The following NDUFAF6 variants were observed in gnomAD, a reference collection of about 807,000 sequenced individuals.
NDUFAF6 encodes NADH dehydrogenase (ubiquinone) complex I, assembly factor 6.
Under a neutral mutation model 40.8 loss-of-function variants are expected in NDUFAF6, and 45 were observed. That is an observed-to-expected ratio of 1.10 (90% CI 0.87 to 1.42). The LOEUF is 1.42. Ranked by LOEUF, NDUFAF6 falls within the 40% of genes most tolerant of loss-of-function variation. The probability of loss-of-function intolerance (pLI) is 0.00; values close to 1 mark genes in which losing one functional copy is unlikely to be tolerated. For synonymous variants in NDUFAF6, 185 were observed against 155.9 expected (o/e 1.19, Z -1.39); for missense variants, 435 against 418.5 (o/e 1.04, Z -0.34).
Position 95,025,089 on chromosome 8 carries a change from G to C in NDUFAF6, c.81G>C (p.Leu27=). The C allele has an allele frequency of 6.8e-7, 1 of 1,478,220 alleles. No homozygotes were observed. Among genetic ancestry groups the C allele is most frequent in the Non-Finnish European group, 8.9e-7 (1 of 1,125,294 alleles). 91.6% of individuals were successfully genotyped at this position (1,478,220 alleles called of 1,614,324 possible). Reference sequence around the variant, plus strand: ...GCCTGTGCTGCCGCCGGCCGCCTCTGGGTCTGTACGCGCGCATGCGGCGGC... The same window carrying C: ...GCCTGTGCTGCCGCCGGCCGCCTCTCGGTCTGTACGCGCGCATGCGGCGGC... ...IPGLCCRRPP[L]GLYARMRRLP... Residue 27 remains leucine, a synonymous_variant, in exon 1 of 9, where the codon CTG becomes CTC. Transcript: ENST00000396124.
chr8:94,981,787 T>A (rs1284555377), intron 2 of NDUFAF6, among the ~76,000 whole-genome samples: 1 of 152,072 alleles, frequency 6.6e-6, no homozygotes, highest in Non-Finnish European at 1.5e-5. Context: ...AACCACTATT[T>A]GATTGGCAGA....
intron 2 of NDUFAF6, among the ~76,000 whole-genome samples, chr8:95,011,678 A>G (rs1027619470): frequency 1.3e-5 from 2 of 152,220 alleles, no homozygotes; most frequent in Admixed American, 6.5e-5. Context: ...TGGGAATGGT[A>G]TAGAAGCTAA....
At chr8:95,083,255 A>G (rs984217337) in intron 2 of NDUFAF6, among the ~76,000 whole-genome samples, 1 of 36,492 alleles carries the variant, frequency 2.7e-5, no homozygotes, top group Non-Finnish European at 4.5e-5. Context: ...TCCTTTCTCC[A>G]CTAAACGGGC....
intron 2 of NDUFAF6, among the ~76,000 whole-genome samples, chr8:94,986,680 G>A (rs1276252408): frequency 2.0e-5 from 3 of 152,202 alleles, no homozygotes; most frequent in Non-Finnish European, 2.9e-5. Context: ...CAAAGATGAG[G>A]AAGGCTTTGT....
chr8:94,964,623 G>C (rs1823862267), intron 1 of NDUFAF6, among the ~76,000 whole-genome samples: 2 of 152,134 alleles, frequency 1.3e-5, no homozygotes, highest in Non-Finnish European at 2.9e-5. Context: ...AAGAGAGGGA[G>C]CAAGAGAGCG....
Position 95,035,577 on chromosome 8 carries a change from G to GAA in NDUFAF6, c.420+1_420+2insAA. ...GCCTGTGGCCATTGAACTATGGAAG[G>GAA]TAAAAAAAAAAAAATACCACTTTTA... On this transcript the variant is annotated splice_donor_variant, in intron 3 of 8. Coordinates refer to ENST00000396124, the MANE Select transcript of NDUFAF6 (RefSeq NM_152416.4). LOFTEE classifies it high-confidence loss of function. 7.1e-7 allele frequency: 1 copy of GAA among 1,399,044 alleles called. No individual in the cohort carries two copies. Among genetic ancestry groups the GAA allele is most frequent in the Admixed American group, 2.6e-5 (1 of 39,028 alleles). The allele number at this position is 1,399,044 out of a possible 1,614,324, so 86.7% of individuals were successfully genotyped here. A position where few individuals can be genotyped will look rare whatever the true frequency, so the allele number is the denominator to read the frequency against.
At chr8:95,111,162 G>A (rs1809991309) in intron 4 of NDUFAF6, among the ~76,000 whole-genome samples, 1 of 152,128 alleles carries the variant, frequency 6.6e-6, no homozygotes, top group Non-Finnish European at 1.5e-5. Flanking sequence ...CATTGAGATA[G>A]GTAGGGAGAG....
At chr8:94,932,531 C>T (rs1161333967) in intron 1 of NDUFAF6, among the ~76,000 whole-genome samples, 2 of 152,242 alleles carry the variant, frequency 1.3e-5, no homozygotes, top group African/African-American at 4.8e-5. Flanking sequence ...CTGCCGGGCA[C>T]GGTGGCTCAC....
intron 4 of NDUFAF6, among the ~76,000 whole-genome samples, chr8:95,111,952 C>T (rs1246694054): frequency 6.6e-6 from 1 of 152,140 alleles, no homozygotes; most frequent in Non-Finnish European, 1.5e-5. Flanking sequence ...TATGGTTCTT[C>T]TGCTTTTGCA....
intron 1 of NDUFAF6, among the ~76,000 whole-genome samples, chr8:94,923,367 G>A (rs959649971): frequency 1.3e-5 from 2 of 152,212 alleles, no homozygotes; most frequent in African/African-American, 2.4e-5. Context: ...CTAGCCACAT[G>A]TGGCTGTGGA....
At chr8:94,936,164 A>G (rs1341576991) in intron 1 of NDUFAF6, among the ~76,000 whole-genome samples, 2 of 152,186 alleles carry the variant, frequency 1.3e-5, no homozygotes, top group African/African-American at 4.8e-5. Context: ...AATTGAAGCT[A>G]CCCCTAGGAT....
intron 1 of NDUFAF6, among the ~76,000 whole-genome samples, chr8:94,974,250 GA>G (rs542718809): frequency 2.7e-3 from 384 of 142,946 alleles, no homozygotes; most frequent in African/African-American, 8.6e-3. Context: ...TTATTATAAG[GA>G]AAAAAAAAAA....
At chr8:95,079,249 C>T (rs76968877), downstream of NDUFAF6, among the ~76,000 whole-genome samples, 6,800 of 152,140 alleles carry the variant, frequency 0.045, 474 homozygotes, top group African/African-American at 0.15. Flanking sequence ...TGGGAGCCAC[C>T]GTGAACCACT....
intron 1 of NDUFAF6, among the ~76,000 whole-genome samples, chr8:94,961,587 A>G (rs889764882): frequency 9.9e-5 from 15 of 151,926 alleles, no homozygotes; most frequent in Admixed American, 4.6e-4. Context: ...ACACCTGGCT[A>G]ATTTTTTTGT....
chr8:94,898,576 C>T (rs2131158079), intron 1 of NDUFAF6, among the ~76,000 whole-genome samples: 1 of 152,280 alleles, frequency 6.6e-6, no homozygotes, highest in South Asian at 2.1e-4. Flanking sequence ...TTGATCTTGA[C>T]CGCTTGGCTG....
rs754834467 is a variant in NDUFAF6 at position 95,045,576 on chromosome 8, A to C, written c.509A>C (p.Asn170Thr). 10 of 1,613,382 alleles carry C rather than the reference A, an allele frequency of 6.2e-6. No individual in the cohort carries two copies. Among genetic ancestry groups the C allele is most frequent in the Non-Finnish European group, 8.5e-7 (1 of 1,179,650 alleles). Residue 170 changes from asparagine to threonine, a missense_variant, in exon 5 of 9, where the codon AAT (asparagine) becomes ACT (threonine). Physicochemically the swap from Asn to Thr is moderately conservative, Grantham distance 65. Coordinates refer to ENST00000396124, the MANE Select transcript of NDUFAF6 (RefSeq NM_152416.4). ...EKNLDDKAYR[N>T]IKELENYAEN... ...AATCTGGATGACAAAGCATATCGTA[A>C]TATCAAGGAACTGGAAAATTATGCT...
At chr8:95,044,912 T>C (rs1000783687) in intron 4 of NDUFAF6, among the ~76,000 whole-genome samples, 1 of 152,188 alleles carries the variant, frequency 6.6e-6, no homozygotes, top group South Asian at 2.1e-4. Context: ...CATTTTTCTG[T>C]TTCTTGCATA....
At chr8:94,980,442 G>GTTTTTTTTTTT (rs869184585) in intron 1 of NDUFAF6, among the ~76,000 whole-genome samples, 12 of 107,918 alleles carry the variant, frequency 1.1e-4, no homozygotes, top group African/African-American at 2.2e-4. Context: ...TGGTTTTTTT[G>GTTTTTTTTTTT]TTTTTTTTTT....
downstream of NDUFAF6, among the ~76,000 whole-genome samples, chr8:95,118,066 A>G (rs1168742149): frequency 6.6e-6 from 1 of 152,108 alleles, no homozygotes; most frequent in Non-Finnish European, 1.5e-5. Context: ...CACCCTAACA[A>G]CTCATCTGAT....
Sources: gnomAD v4.1 joint callset for allele counts (sites outside exome capture counted in the v4.1 genomes callset) on GRCh38, gnomAD v4.1.1 for gene constraint, MANE v1.5 for transcripts, NCBI Gene and HGNC (gene_info 2026-07-23, HGNC 2026-07-21) for gene names.